The following CTNNA2 variants were observed in gnomAD, a reference collection of about 807,000 sequenced individuals.
The protein encoded by CTNNA2 is catenin alpha-2.
CTNNA2 carries 42 observed loss-of-function variants against 101.0 expected under a neutral mutation model. The observed-to-expected ratio is 0.42, with a 90% CI of 0.32 to 0.54. The LOEUF (loss-of-function observed/expected upper bound fraction) is 0.54. CTNNA2 is among the 20% of genes least tolerant of loss of function. The pLI is 0.14. For synonymous variants in CTNNA2, 450 were observed against 456.4 expected (o/e 0.99, Z 0.18); for missense variants, 871 against 1,223.1 (o/e 0.71, Z 4.29).
At chr2:80,509,109 G>T (rs1439090170) in intron 9 of CTNNA2, among the ~76,000 whole-genome samples, 1 of 152,138 alleles carries the variant, frequency 6.6e-6, no homozygotes, top group Non-Finnish European at 1.5e-5. Context: ...ACTCTTCTGT[G>T]ATAAAAATAA....
chr2:79,912,607 A>G (rs1387967557), intron 7 of CTNNA2, among the ~76,000 whole-genome samples: 1 of 152,252 alleles, frequency 6.6e-6, no homozygotes, highest in Non-Finnish European at 1.5e-5. Context: ...TTCTTTTAGG[A>G]AAGCCTTGGC....
intron 4 of CTNNA2, among the ~76,000 whole-genome samples, chr2:79,386,835 T>A (rs1678111082): frequency 6.6e-6 from 1 of 152,250 alleles, no homozygotes; most frequent in African/African-American, 2.4e-5. Flanking sequence ...AAGGGATCCA[T>A]GTCCTTCTTA....
intron 3 of CTNNA2, among the ~76,000 whole-genome samples, chr2:79,769,777 C>A (rs939275888): frequency 6.6e-6 from 1 of 152,178 alleles, no homozygotes; most frequent in Admixed American, 6.5e-5. Context: ...GGAGGAAATA[C>A]TGGAATGGAA....
rs560834371 is a variant in CTNNA2 at position 80,604,459 on chromosome 2, G to C, written c.2295+280G>C. Among the ~76,000 whole-genome samples, 22 of 151,946 alleles carry C rather than the reference G, an allele frequency of 1.4e-4. No homozygotes were observed. The South Asian group carries it at 4.4e-3, about 30-fold the overall frequency. On this transcript the variant is annotated intron_variant, in intron 16 of 18. Transcript: ENST00000402739. ...ATCAGCCCCTGAAGAGTCACGGATT[G>C]TCCCAGGCTTCCCCATTCAGAAAGG...
At chr2:79,593,023 A>G (rs1676960779) in intron 1 of CTNNA2, among the ~76,000 whole-genome samples, 1 of 152,232 alleles carries the variant, frequency 6.6e-6, no homozygotes. Context: ...TATAAAGGAG[A>G]TTATCGTCCA....
intron 3 of CTNNA2, among the ~76,000 whole-genome samples, chr2:79,315,961 A>C (rs1037029879): frequency 5.9e-5 from 9 of 152,114 alleles, no homozygotes; most frequent in Non-Finnish European, 8.8e-5. Context: ...TTCACTGATG[A>C]TGTCTTTTCA....
At chr2:80,069,256 T>C (rs1351793618) in intron 7 of CTNNA2, among the ~76,000 whole-genome samples, 1 of 152,196 alleles carries the variant, frequency 6.6e-6, no homozygotes, top group Non-Finnish European at 1.5e-5. Context: ...AAGGTAGTTC[T>C]TCTTTACTCA....
intron 2 of CTNNA2, among the ~76,000 whole-genome samples, chr2:79,252,887 C>T (rs1304176737): frequency 6.6e-6 from 1 of 151,958 alleles, no homozygotes; most frequent in African/African-American, 2.4e-5. Flanking sequence ...TGATGGAAAA[C>T]CCATGCTTTT....
chr2:80,479,601 G>A (rs1685993349), intron 9 of CTNNA2, among the ~76,000 whole-genome samples: 2 of 151,972 alleles, frequency 1.3e-5, no homozygotes, highest in African/African-American at 4.8e-5. Context: ...ATTTTTGTAG[G>A]GCTCTTGGAT....
chr2:80,087,878 T>C (rs1355956176), intron 7 of CTNNA2, among the ~76,000 whole-genome samples: 1 of 151,890 alleles, frequency 6.6e-6, no homozygotes, highest in Non-Finnish European at 1.5e-5. Flanking sequence ...CTCTCTCTTT[T>C]TCTCTCCCTA....
chr2:79,539,324 G>A (rs555519075), intron 1 of CTNNA2, among the ~76,000 whole-genome samples: 13 of 152,286 alleles, frequency 8.5e-5, no homozygotes, highest in African/African-American at 1.9e-4. Flanking sequence ...CATCAAGAGC[G>A]TGTTTAGAAA....
intron 7 of CTNNA2, among the ~76,000 whole-genome samples, chr2:80,073,979 G>T (rs982315864): frequency 6.6e-6 from 1 of 151,912 alleles, no homozygotes; most frequent in African/African-American, 2.4e-5. Flanking sequence ...ATTGACCTAC[G>T]GGTATGTAGT....
At chr2:80,391,151 T>G (rs1047460320) in intron 7 of CTNNA2, among the ~76,000 whole-genome samples, 8 of 150,014 alleles carry the variant, frequency 5.3e-5, no homozygotes, top group African/African-American at 2.0e-4. Flanking sequence ...AAAAAAAAAG[T>G]ATGTATTACA....
rs556929258 is a variant in CTNNA2, at chr2:79,345,359, T to C, written c.-317-28472T>C. ...TCATTGCTACATTTGATTGTGTTCTTGTGGTTTGTTCTCTCATAGGCTACA... is the reference window on the plus strand; with the variant it reads ...TCATTGCTACATTTGATTGTGTTCTCGTGGTTTGTTCTCTCATAGGCTACA... On this transcript the variant is annotated intron_variant, in intron 3 of 21. Coordinates refer to the CTNNA2 transcript ENST00000466387. Among the ~76,000 whole-genome samples the C allele has an allele frequency of 1.5e-4, 23 of 152,308 alleles. No individual in the cohort carries two copies. The South Asian group carries it at 4.8e-3, about 32-fold the overall frequency.
intron 7 of CTNNA2, among the ~76,000 whole-genome samples, chr2:80,392,205 C>T (rs1677580768): frequency 6.6e-6 from 1 of 152,112 alleles, no homozygotes; most frequent in Non-Finnish European, 1.5e-5. Context: ...GATCTGGGAT[C>T]TCATTTTATC....
chr2:79,193,767 G>T (rs945260954), intron 1 of CTNNA2, among the ~76,000 whole-genome samples: 1 of 152,096 alleles, frequency 6.6e-6, no homozygotes, highest in African/African-American at 2.4e-5. Context: ...TGGTCTATAG[G>T]TAAACATCTT....
At chr2:80,249,940 T>G (rs1269939423) in intron 7 of CTNNA2, among the ~76,000 whole-genome samples, 1 of 152,190 alleles carries the variant, frequency 6.6e-6, no homozygotes, top group Admixed American at 6.6e-5. Context: ...TTCTGTTCTT[T>G]TTCTATTATT....
intron 1 of CTNNA2, among the ~76,000 whole-genome samples, chr2:79,527,953 T>C (rs1393729192): frequency 6.6e-6 from 1 of 152,196 alleles, no homozygotes; most frequent in African/African-American, 2.4e-5. Context: ...AAATAAGGCA[T>C]ATTTATACAA....
At chr2:79,400,202 C>T (rs7599457) in intron 4 of CTNNA2, among the ~76,000 whole-genome samples, 19,906 of 151,974 alleles carry the variant, frequency 0.13, 1,676 homozygotes, top group African/African-American at 0.24. Flanking sequence ...CAGTCAGATA[C>T]GCATTTATCT....
Sources: allele counts gnomAD v4.1 joint callset (sites outside exome capture counted in the v4.1 genomes callset), GRCh38; gene constraint gnomAD v4.1.1; transcripts MANE v1.5; gene names NCBI Gene and HGNC (gene_info 2026-07-23, HGNC 2026-07-21).